The following MYBPC3 variants were observed in gnomAD, a reference collection of about 807,000 sequenced individuals.
The protein encoded by MYBPC3 is myosin-binding protein C, cardiac-type.
Under a neutral mutation model 159.3 loss-of-function variants are expected in MYBPC3, and 108 were observed. That is an observed-to-expected ratio of 0.68 (90% confidence interval 0.58 to 0.80). MYBPC3 has a LOEUF of 0.80. Ranked by LOEUF, MYBPC3 falls within the 30% of genes least tolerant of loss-of-function variation. MYBPC3 has a pLI of 0.00. For synonymous variants in MYBPC3, 730 were observed against 702.0 expected, an observed-to-expected ratio of 1.04 and a Z score of -0.63; for missense variants, 1,631 against 1,762.1, an observed-to-expected ratio of 0.93 and a Z score of 1.33.
intron 18 of MYBPC3, 110 bp from the exon 19 acceptor site, chr11:47,341,354 T>C: frequency 1.3e-6 from 1 of 765,310 alleles, no homozygotes; most frequent in Non-Finnish European, 2.0e-6. Context: ...GGCTTGTTGG[T>C]ATTCTGATTT....
intron 20 of MYBPC3, 131 bp from the exon 21 acceptor site, chr11:47,339,921 G>T: frequency 1.0e-6 from 1 of 969,296 alleles, no homozygotes; most frequent in Non-Finnish European, 1.5e-6. Flanking sequence ...TATAGTTTAT[G>T]CTCAGATCTG....
rs182142256 is a variant in MYBPC3, at chr11:47,337,232, T to C, written c.2602+159A>G. Among the ~76,000 whole-genome samples the C allele has an allele frequency of 2.3e-3, 358 of 152,346 alleles. 2 individuals are homozygous for C. The highest frequency in any genetic ancestry group is 8.1e-3 in the African/African-American group (338 of 41,572). On this transcript the variant is annotated intron_variant, in intron 25 of 34. Transcript: ENST00000545968. ...AGGTCATTTAACTGCTTGGAGCCTG[T>C]TTCCTCATCTGTAAAATGCGGCTGA... is the stretch of plus-strand genomic sequence containing the variant.
In MYBPC3 at chr11:47,346,513, G is replaced by A. The variant is rs2095894308; in HGVS notation, c.926+114C>T. 4.1e-6 allele frequency: 6 copies of A among 1,464,278 alleles called. No individual in the cohort carries two copies. The highest frequency in any genetic ancestry group is 5.5e-6 in the Non-Finnish European group (6 of 1,092,590). 90.7% of individuals were successfully genotyped at this position (1,464,278 alleles called of 1,614,324 possible). Reference sequence around the variant, plus strand: ...GGTGGGGCAGCTGGAGCTGCTCTGGGTCCCAGGCCAGGCAGGACTGGGGGC... The same window carrying A: ...GGTGGGGCAGCTGGAGCTGCTCTGGATCCCAGGCCAGGCAGGACTGGGGGC... On this transcript the variant is annotated intron_variant, in intron 11 of 34. Transcript: ENST00000545968. The surrounding 1 kb of genome is among the most constrained non-coding windows in gnomAD (Gnocchi z 5.3).
chr11:47,340,681 TAAAA>T (rs904179589), intron 20 of MYBPC3, among the ~76,000 whole-genome samples: 24 of 149,302 alleles, frequency 1.6e-4, no homozygotes, highest in African/African-American at 4.9e-4. Flanking sequence ...AAAATAAAAA[TAAAA>T]AAAAAGGAAG....
chr11:47,335,568 C>G, intron 26 of MYBPC3: 1 of 301,672 alleles, frequency 3.3e-6, no homozygotes, highest in Non-Finnish European at 6.1e-6. Flanking sequence ...CTCAGGTGAT[C>G]CGCCCACCTT....
rs559521524 is a variant in MYBPC3 at position 47,351,128 on chromosome 11, C to G, written c.292+111G>C. 3 of 1,352,960 alleles carry G rather than the reference C, an allele frequency of 2.2e-6. No individual in the cohort carries two copies. In the African/African-American group the frequency reaches 4.4e-5, roughly 20 times the overall value. 83.8% of individuals were successfully genotyped at this position (1,352,960 alleles called of 1,614,324 possible). On this transcript the variant is annotated intron_variant, in intron 2 of 34. Coordinates refer to ENST00000545968, the MANE Select transcript of MYBPC3 (RefSeq NM_000256.3). The surrounding 1 kb of genome is among the most constrained non-coding windows in gnomAD (Gnocchi z 4.2). ...TTCCTGGCGGGGGGCACAGCCACAG[C>G]AAAGGCAAGAAAGTGTGAAAGCACC...
At position 47,346,407 on chromosome 11, in the gene MYBPC3, A is replaced by G; in HGVS notation, c.927-37T>C. 6.6e-7 allele frequency: 1 copy of G among 1,517,724 alleles called. No individual in the cohort carries two copies. The highest frequency in any genetic ancestry group is 8.9e-7 in the Non-Finnish European group (1 of 1,127,262). 94.0% of individuals were successfully genotyped at this position (1,517,724 alleles called of 1,614,324 possible). A position where few individuals can be genotyped will look rare whatever the true frequency, so the allele number is the denominator to read the frequency against. On this transcript the variant is annotated intron_variant, in intron 11 of 34. Transcript: ENST00000545968. The surrounding 1 kb of genome is among the most constrained non-coding windows in gnomAD (Gnocchi z 5.3). The stretch of plus-strand genomic sequence containing the variant: ...AGTCTAGGCTGTGGCCGGGGGCAAG[A>G]CTGCAGCCCCCTGGGCGGGGCTTCC...
intron 20 of MYBPC3, among the ~76,000 whole-genome samples, chr11:47,340,480 T>G (rs923336963): frequency 6.6e-6 from 1 of 152,060 alleles, no homozygotes; most frequent in African/African-American, 2.4e-5. Context: ...CTGGCTAACA[T>G]GGTGAAACCC....
At chr11:47,339,605 C>T in intron 21 of MYBPC3, 46 bp downstream of exon 21, 1 of 1,527,304 alleles carries the variant, frequency 6.5e-7, no homozygotes, top group Non-Finnish European at 8.8e-7. Context: ...GCTGGTTCCA[C>T]ACACCCATCT....
In MYBPC3 at chr11:47,343,095, C is replaced by T. The variant is rs2142861739; in HGVS notation, c.1277G>A (p.Cys426Tyr). 1.2e-6 allele frequency: 2 copies of T among 1,612,184 alleles called. No homozygotes were observed. Among genetic ancestry groups the T allele is most frequent in the Non-Finnish European group, 1.7e-6 (2 of 1,179,194 alleles). The change falls in exon 15 of 35, where the codon TGC (cysteine) becomes TAC (tyrosine). Residue 426 changes from cysteine to tyrosine, a missense_variant. Coordinates refer to ENST00000545968, the MANE Select transcript of MYBPC3 (RefSeq NM_000256.3). ...GTAGGCTGCGTCGTCCGCCAATGAG[C>T]ACTGGCTGATGGTCAGGGTACGCTT... ...GAKRTLTISQCSLADDAAYQC... is the reference protein window; with the variant it reads ...GAKRTLTISQYSLADDAAYQC...
intron 25 of MYBPC3, 25 bp downstream of exon 25, chr11:47,337,366 G>A (rs2095883266): frequency 3.9e-6 from 6 of 1,549,984 alleles, no homozygotes; most frequent in Non-Finnish European, 3.5e-6. Flanking sequence ...GGGGCGGGGG[G>A]CAGGACCAGG....
Position 47,338,631 on chromosome 11 carries a change from G to A in MYBPC3, c.2197C>T (p.Arg733Cys), listed in dbSNP as rs397515956. The A allele has an allele frequency of 8.6e-5, 138 of 1,613,858 alleles. 1 individual carries two copies. The highest frequency in any genetic ancestry group is 1.0e-4 in the Non-Finnish European group (123 of 1,179,848). Residue 733 changes from arginine (R) to cysteine (C), a missense_variant, in exon 23 of 35, where the codon CGC (arginine) becomes TGC (cysteine). Physicochemically the swap from Arg to Cys is radical, Grantham distance 180. Transcript: ENST00000545968. The surrounding 1 kb of genome is among the most constrained non-coding windows in gnomAD (Gnocchi z 4.7). The stretch of plus-strand genomic sequence containing the variant: ...GCCCCCTCGACCGTGAAGATGCTGC[G>A]GTCCTTGGTGGTCTCCACGCGGACC... ...GRVRVETTKD[R>C]SIFTVEGAEK...
chr11:47,349,879 G>A lies in MYBPC3; in HGVS notation c.549C>T (p.Leu183=), dbSNP rs368604485. ...ACCACTTGACCACAGGCGGCTTCAGGAGGCTGGCGCCGGCCACGCGGGCTG... is the reference window on the plus strand; with the variant it reads ...ACCACTTGACCACAGGCGGCTTCAGAAGGCTGGCGCCGGCCACGCGGGCTG... ...TFSARVAGAS[L]LKPPVVKWFK... Residue 183 remains leucine (L), a synonymous_variant, in exon 5 of 35, where the codon CTC becomes CTT. Transcript: ENST00000545968. The A allele has an allele frequency of 1.6e-5, 26 of 1,611,828 alleles. No individual in the cohort carries two copies. In the East Asian group the frequency reaches 4.7e-4, roughly 29 times the overall value.
rs937463028 is a variant in MYBPC3 at position 47,346,492 on chromosome 11, G to T, written c.927-122C>A. ...TCCCTCTGCCCCTTCCCTTCTGGTG[G>T]GGCAGCTGGAGCTGCTCTGGGTCCC... On this transcript the variant is annotated intron_variant, in intron 11 of 34. Transcript: ENST00000545968. This position sits in a 1 kb window ranked among gnomAD's most constrained non-coding sequence, Gnocchi z 5.3. 1.7e-5 allele frequency: 25 copies of T among 1,456,152 alleles called. No homozygotes were observed. The highest frequency in any genetic ancestry group is 2.8e-5 in the South Asian group (2 of 70,868). The allele number at this position is 1,456,152 out of a possible 1,614,324, so 90.2% of individuals were successfully genotyped here. A position where few individuals can be genotyped will look rare whatever the true frequency, so the allele number is the denominator to read the frequency against.
Position 47,346,402 on chromosome 11 carries a change from G to A in MYBPC3, c.927-32C>T, listed in dbSNP as rs1446974426. The A allele has an allele frequency of 1.3e-6, 2 of 1,526,122 alleles. No homozygotes were observed. Among genetic ancestry groups the A allele is most frequent in the Non-Finnish European group, 1.8e-6 (2 of 1,131,514 alleles). The allele number at this position is 1,526,122 out of a possible 1,614,324, so 94.5% of individuals were successfully genotyped here. A position where few individuals can be genotyped will look rare whatever the true frequency, so the allele number is the denominator to read the frequency against. On this transcript the variant is annotated intron_variant, in intron 11 of 34. Coordinates refer to ENST00000545968, the MANE Select transcript of MYBPC3 (RefSeq NM_000256.3). This position sits in a 1 kb window ranked among gnomAD's most constrained non-coding sequence, Gnocchi z 5.3. ...CCCGCAGTCTAGGCTGTGGCCGGGGGCAAGACTGCAGCCCCCTGGGCGGGG... is the reference window on the plus strand; with the variant it reads ...CCCGCAGTCTAGGCTGTGGCCGGGGACAAGACTGCAGCCCCCTGGGCGGGG...
At chr11:47,349,975 C>T in intron 4 of MYBPC3, 39 bp downstream of exon 4, 13 of 1,562,862 alleles carry the variant, frequency 8.3e-6, no homozygotes, top group Non-Finnish European at 1.1e-5. Context: ...GCTGCCCCCC[C>T]TTCCCACCCC....
chr11:47,333,007 G>A, intron 30 of MYBPC3, 34 bp from the exon 31 acceptor site: 1 of 1,592,696 alleles, frequency 6.3e-7, no homozygotes, highest in Non-Finnish European at 8.6e-7. Context: ...GCATCTCTGG[G>A]CCAGGCCCTT....
rs756328813 is a variant in MYBPC3 at position 47,350,061 on chromosome 11, G to T, written c.458C>A (p.Pro153His). ...TGGCCGCATCACGAAGAGGCCAATG[G>T]GGTCATCGGGGGCTCCAGGGGTAGG... ...NGPTPGAPDD[P>H]IGLFVMRPQD... is the part of the protein sequence containing the mutation. The change falls in exon 4 of 35, where the codon CCC (proline) becomes CAC (histidine). Residue 153 changes from proline (P) to histidine (H), a missense_variant. By Grantham distance (77) the Pro-to-His change is moderately conservative. Coordinates refer to ENST00000545968, the MANE Select transcript of MYBPC3 (RefSeq NM_000256.3). The T allele has an allele frequency of 9.6e-6, 15 of 1,563,338 alleles. No individual in the cohort carries two copies. The highest frequency in any genetic ancestry group is 3.8e-5 in the Admixed American group (2 of 52,686).
At chr11:47,335,478 C>T in intron 26 of MYBPC3, 1 of 321,024 alleles carries the variant, frequency 3.1e-6, no homozygotes, top group South Asian at 7.4e-5. Flanking sequence ...CAGGTGCCCA[C>T]CACCACACCC....
Sources: allele counts gnomAD v4.1 joint callset (sites outside exome capture counted in the v4.1 genomes callset), GRCh38; gene constraint gnomAD v4.1.1; non-coding constraint Gnocchi (gnomAD v3.1); transcripts MANE v1.5; gene names NCBI Gene and HGNC (gene_info 2026-07-23, HGNC 2026-07-21).